Variants in HELZ observed in about 807,000 individuals in gnomAD.
The protein encoded by HELZ is ATP-dependent RNA helicase with zinc finger domain.
A neutral mutation model predicts 218.2 loss-of-function variants in HELZ; 23 were observed. That is an observed-to-expected ratio of 0.11 (90% confidence interval 0.08 to 0.15). The LOEUF (loss-of-function observed/expected upper bound fraction) is 0.15. Ranked by LOEUF, HELZ falls within the 10% of genes least tolerant of loss-of-function variation. The pLI, the probability that HELZ is intolerant of heterozygous loss-of-function variation, is 1.00. For missense variants in HELZ, 1,813 were observed against 2,353.7 expected (o/e 0.77, Z 4.75); for synonymous variants, 814 against 829.4 (o/e 0.98, Z 0.32).
upstream of HELZ, chr17:67,245,443 G>A: frequency 1.0e-6 from 1 of 980,722 alleles, no homozygotes; most frequent in Non-Finnish European, 1.2e-6. Context: ...CGGCCTCCCT[G>A]CCCCCACGCC....
chr17:67,242,951 A>G (rs911143752), intron 2 of HELZ, among the ~76,000 whole-genome samples: 1 of 152,144 alleles, frequency 6.6e-6, no homozygotes. Context: ...GAAACAACAA[A>G]AAAAAAACTA....
intron 23 of HELZ, among the ~76,000 whole-genome samples, chr17:67,132,373 A>G (rs532104313): frequency 1.1e-4 from 17 of 152,352 alleles, no homozygotes; most frequent in African/African-American, 3.8e-4. Flanking sequence ...TGGTTTGAAA[A>G]AAGGTTATCA....
intron 3 of HELZ, among the ~76,000 whole-genome samples, chr17:67,227,263 G>C (rs1488545668): frequency 6.6e-6 from 1 of 151,090 alleles, no homozygotes; most frequent in African/African-American, 2.4e-5. Context: ...CGTGACCTCA[G>C]CTCACTGCAA....
upstream of HELZ, chr17:67,245,665 C>G (rs1020216628): frequency 3.9e-6 from 1 of 259,354 alleles, no homozygotes; most frequent in Admixed American, 6.5e-5. Context: ...CAGACCAGCT[C>G]CGCACCCGCC....
intron 13 of HELZ, among the ~76,000 whole-genome samples, chr17:67,174,034 C>T (rs1468570595): frequency 4.6e-5 from 7 of 152,114 alleles, no homozygotes; most frequent in African/African-American, 1.7e-4. Flanking sequence ...TTATTGAACA[C>T]ACACCAACAT....
At chr17:67,175,489 AAAC>A (rs2039430343) in intron 13 of HELZ, among the ~76,000 whole-genome samples, 1 of 152,256 alleles carries the variant, frequency 6.6e-6, no homozygotes, top group South Asian at 2.1e-4. Context: ...GTGAAGAAGA[AAAC>A]AAAATACTCT....
At chr17:67,109,057 C>T in intron 29 of HELZ, 59 bp downstream of exon 29, 1 of 1,312,642 alleles carries the variant, frequency 7.6e-7, no homozygotes, top group East Asian at 2.3e-5. Context: ...TGATATTATA[C>T]AGTCCAAGTC....
chr17:67,103,397 G>C (rs1430455035), intron 31 of HELZ, among the ~76,000 whole-genome samples: 1 of 152,094 alleles, frequency 6.6e-6, no homozygotes, highest in Non-Finnish European at 1.5e-5. Context: ...ATAGAGTTCA[G>C]CAAGATTGCA....
At chr17:67,235,640 G>T (rs1344004208) in intron 3 of HELZ, among the ~76,000 whole-genome samples, 1 of 152,004 alleles carries the variant, frequency 6.6e-6, no homozygotes, top group Admixed American at 6.6e-5. Flanking sequence ...ATACAAAGGG[G>T]CTCACAGCAG....
intron 6 of HELZ, among the ~76,000 whole-genome samples, chr17:67,202,721 C>T (rs1406010439): frequency 6.6e-6 from 1 of 152,168 alleles, no homozygotes; most frequent in African/African-American, 2.4e-5. Flanking sequence ...AACTCAGGCT[C>T]TGTTAAATCA....
chr17:67,094,333 A>AGAGAGAGAGAGAGAG (rs1555597035), intron 31 of HELZ, among the ~76,000 whole-genome samples: 17 of 146,632 alleles, frequency 1.2e-4, no homozygotes, highest in Middle Eastern at 3.5e-3. Context: ...AAAAAAAAAA[A>AGAGAGAGAGAGAGAG]AGAGAGAGAG....
At chr17:67,176,303 A>G (rs949018472) in intron 13 of HELZ, 3 of 152,238 alleles carry the variant, frequency 2.0e-5, no homozygotes, top group Non-Finnish European at 4.4e-5. Context: ...CCCTAATATT[A>G]TATCATGAGC....
intron 17 of HELZ, among the ~76,000 whole-genome samples, chr17:67,155,669 T>C (rs139904844): frequency 0.011 from 1,648 of 152,184 alleles, 19 homozygotes; most frequent in South Asian, 0.018. Context: ...AAACCCTGTC[T>C]CTACTAAAAA....
At chr17:67,082,292 A>G (rs2036218954) in intron 32 of HELZ, among the ~76,000 whole-genome samples, 1 of 152,246 alleles carries the variant, frequency 6.6e-6, no homozygotes, top group Non-Finnish European at 1.5e-5. Context: ...TGAGTTCAAA[A>G]TAAGTAAAAA....
At chr17:67,199,673 G>A (rs925019325) in intron 7 of HELZ, among the ~76,000 whole-genome samples, 1 of 152,084 alleles carries the variant, frequency 6.6e-6, no homozygotes, top group African/African-American at 2.4e-5. Context: ...AGAAGAAAAA[G>A]CCTAATAGTA....
chr17:67,089,668 T>TATATATAGAG (rs71293575), intron 31 of HELZ, among the ~76,000 whole-genome samples: 52 of 70,630 alleles, frequency 7.4e-4, no homozygotes, highest in African/African-American at 1.7e-3. Flanking sequence ...TATATATATA[T>TATATATAGAG]AGAGAGAGAG....
chr17:67,184,882 G>A (rs2039713548), intron 12 of HELZ, among the ~76,000 whole-genome samples: 1 of 152,136 alleles, frequency 6.6e-6, no homozygotes, highest in African/African-American at 2.4e-5. Flanking sequence ...CAGTTTCACA[G>A]AATCACTAAG....
At chr17:67,155,268 A>C (rs1487274549) in intron 17 of HELZ, among the ~76,000 whole-genome samples, 3 of 152,204 alleles carry the variant, frequency 2.0e-5, no homozygotes, top group Admixed American at 2.0e-4. Context: ...GAGAAGTATC[A>C]GCATAACAAA....
At chr17:67,148,846 C>T in intron 19 of HELZ, 132 bp from the exon 20 acceptor site, 2 of 788,702 alleles carry the variant, frequency 2.5e-6, no homozygotes, top group South Asian at 3.8e-5. Flanking sequence ...CTGGGACAAG[C>T]ACAATCAGTA....
Sources: allele counts gnomAD v4.1 joint callset (sites outside exome capture counted in the v4.1 genomes callset), GRCh38; gene constraint gnomAD v4.1.1; transcripts MANE v1.5; gene names NCBI Gene and HGNC (gene_info 2026-07-23, HGNC 2026-07-21).